SUGCT: variants seen among roughly 807,000 people sequenced by gnomAD.
The protein encoded by SUGCT is succinyl-CoA:glutarate CoA-transferase.
A neutral mutation model predicts 55.0 loss-of-function variants in SUGCT; 41 were observed. The observed-to-expected ratio is 0.74, with a 90% CI of 0.58 to 0.97. The LOEUF is 0.97. SUGCT is among the 50% of genes least tolerant of loss of function. The probability of loss-of-function intolerance (pLI) is 0.00; values close to 1 mark genes in which losing one functional copy is unlikely to be tolerated. For missense variants in SUGCT, 568 were observed against 547.8 expected (o/e 1.04, Z -0.37); for synonymous variants, 187 against 200.4 (o/e 0.93, Z 0.56).
chr7:40,870,681 T>G, the SUGCT span, among the ~76,000 whole-genome samples: 149 of 152,376 alleles, frequency 9.8e-4, no homozygotes, highest in African/African-American at 3.5e-3. Context: ...TGTCTGTGAT[T>G]CTTGCCTTAA....
chr7:40,664,360 C>A (rs977076607), intron 12 of SUGCT, among the ~76,000 whole-genome samples: 3 of 152,122 alleles, frequency 2.0e-5, no homozygotes, highest in African/African-American at 7.2e-5. Flanking sequence ...AAATCTAACT[C>A]AAATAGTCAT....
At chr7:40,446,268 T>C (rs1384893323) in intron 9 of SUGCT, among the ~76,000 whole-genome samples, 2 of 152,170 alleles carry the variant, frequency 1.3e-5, no homozygotes, top group South Asian at 2.1e-4. Context: ...GATCCAAAAT[T>C]TGGCAAGCCT....
At chr7:40,223,003 T>C (rs956379092) in intron 6 of SUGCT, among the ~76,000 whole-genome samples, 1 of 148,040 alleles carries the variant, frequency 6.8e-6, no homozygotes, top group East Asian at 2.0e-4. Flanking sequence ...CCTTCCTTCC[T>C]TCCTTCCTTC....
At chr7:40,937,146 T>C in the SUGCT span, among the ~76,000 whole-genome samples, 1 of 152,144 alleles carries the variant, frequency 6.6e-6, no homozygotes, top group South Asian at 2.1e-4. Flanking sequence ...TCTTTGTTAT[T>C]TTTCAGTTTA....
intron 12 of SUGCT, among the ~76,000 whole-genome samples, chr7:40,703,061 CTTTTTTTTTT>C (rs58887234): frequency 8.6e-6 from 1 of 115,774 alleles, no homozygotes; most frequent in Admixed American, 8.9e-5. Context: ...TTCAGCCTAG[CTTTTTTTTTT>C]TTTTTTTTTT....
intron 13 of SUGCT, among the ~76,000 whole-genome samples, chr7:40,778,750 G>A (rs1789584769): frequency 2.0e-5 from 3 of 152,202 alleles, no homozygotes. Context: ...AATGTTACTT[G>A]GGATTAGACC....
chr7:40,557,814 A>C (rs2151654461), intron 12 of SUGCT, among the ~76,000 whole-genome samples: 1 of 152,052 alleles, frequency 6.6e-6, no homozygotes, highest in South Asian at 2.1e-4. Flanking sequence ...ACTATCTTGC[A>C]AAAGGACAAC....
intron 8 of SUGCT, among the ~76,000 whole-genome samples, chr7:40,309,092 A>G (rs1795000303): frequency 6.6e-6 from 1 of 152,202 alleles, no homozygotes; most frequent in African/African-American, 2.4e-5. Flanking sequence ...GGCCTCTACT[A>G]AGCCCATTAG....
At chr7:40,234,238 C>T (rs995808829) in intron 6 of SUGCT, among the ~76,000 whole-genome samples, 1 of 152,226 alleles carries the variant, frequency 6.6e-6, no homozygotes, top group Non-Finnish European at 1.5e-5. Flanking sequence ...CTTTTGTTGA[C>T]TTCCTGCTGA....
At chr7:40,355,932 T>C (rs771571676) in intron 9 of SUGCT, among the ~76,000 whole-genome samples, 1 of 152,264 alleles carries the variant, frequency 6.6e-6, no homozygotes, top group Non-Finnish European at 1.5e-5. Context: ...TTCTAGAATT[T>C]ATTAGACTTT....
chr7:40,489,488 C>T (rs1349455782), intron 11 of SUGCT, among the ~76,000 whole-genome samples: 1 of 152,036 alleles, frequency 6.6e-6, no homozygotes, highest in South Asian at 2.1e-4. Context: ...AGAGACCATC[C>T]TGGACAATAT....
intron 13 of SUGCT, among the ~76,000 whole-genome samples, chr7:40,853,648 A>G (rs1793973631): frequency 6.6e-6 from 1 of 152,164 alleles, no homozygotes; most frequent in African/African-American, 2.4e-5. Context: ...TACAGGCATG[A>G]GCCACCACAC....
chr7:40,222,986 TTTCCTTCCTTCCTTCC>T (rs200277908), intron 6 of SUGCT, among the ~76,000 whole-genome samples: 106 of 94,054 alleles, frequency 1.1e-3, no homozygotes, highest in African/African-American at 2.6e-3. Flanking sequence ...TTTTCATTTC[TTTCCTTCCTTCCTTCC>T]TTCCTTCCTT....
At chr7:40,959,723 A>C in the SUGCT span, among the ~76,000 whole-genome samples, 6 of 152,076 alleles carry the variant, frequency 3.9e-5, no homozygotes, top group Admixed American at 6.6e-5. Context: ...GGAAAAAAAA[A>C]AAAAAAACTC....
At chr7:40,259,467 A>G (rs746484589) in intron 7 of SUGCT, among the ~76,000 whole-genome samples, 2 of 152,240 alleles carry the variant, frequency 1.3e-5, no homozygotes, top group Non-Finnish European at 2.9e-5. Context: ...AAGCGTTATC[A>G]TAATAAAATA....
chr7:40,760,980 G>C lies in SUGCT; in HGVS notation c.1153+11483G>C, dbSNP rs540408217. On this transcript the variant is annotated intron_variant, in intron 13 of 13. Transcript: ENST00000335693. ...TTCATCTACAGTAACAAGTAGTCTT[G>C]GGGAAAAATAAAACTAGCCACATCA... is the stretch of plus-strand genomic sequence containing the variant. Among the ~76,000 whole-genome samples, 36 of 152,310 alleles carry C rather than the reference G, an allele frequency of 2.4e-4. No individual in the cohort carries two copies. In the South Asian group the frequency reaches 7.3e-3, roughly 31 times the overall value.
At chr7:40,159,228 T>A (rs1020931254) in intron 1 of SUGCT, among the ~76,000 whole-genome samples, 2 of 151,178 alleles carry the variant, frequency 1.3e-5, no homozygotes, top group African/African-American at 4.9e-5. Context: ...CCAGATAATT[T>A]CTTTATGTCC....
chr7:40,883,490 G>A, the SUGCT span, among the ~76,000 whole-genome samples: 1 of 152,134 alleles, frequency 6.6e-6, no homozygotes, highest in East Asian at 1.9e-4. Flanking sequence ...CCCATATTCT[G>A]TATGAACTTA....
chr7:40,742,196 A>T (rs1281309260), intron 12 of SUGCT, among the ~76,000 whole-genome samples: 1 of 152,164 alleles, frequency 6.6e-6, no homozygotes, highest in Admixed American at 6.5e-5. Context: ...ACCAATTTTC[A>T]TAGTTTTTTT....
Sources: allele counts gnomAD v4.1 joint callset (sites outside exome capture counted in the v4.1 genomes callset), GRCh38; gene constraint gnomAD v4.1.1; transcripts MANE v1.5; gene names NCBI Gene and HGNC (gene_info 2026-07-23, HGNC 2026-07-21).